Variants in NTRK3 observed in about 807,000 individuals in gnomAD.
NTRK3 encodes the protein NT-3 growth factor receptor.
Under a neutral mutation model 91.7 loss-of-function variants are expected in NTRK3, and 24 were observed. The ratio of observed to expected loss-of-function variants is 0.26; its 90% CI spans 0.19 to 0.37. The LOEUF is 0.37. NTRK3 is among the 10% of genes least tolerant of loss of function. NTRK3 has a pLI of 1.00. For synonymous variants in NTRK3, 483 were observed against 404.0 expected (o/e 1.20, Z -2.34); for missense variants, 880 against 1,068.9 (o/e 0.82, Z 2.46).
intron 5 of NTRK3, among the ~76,000 whole-genome samples, chr15:88,182,201 C>T (rs928683505): frequency 5.3e-5 from 8 of 152,210 alleles, no homozygotes; most frequent in Non-Finnish European, 8.8e-5. Context: ...AAGAAAGCTC[C>T]GCAGAAAGCA....
intron 14 of NTRK3, among the ~76,000 whole-genome samples, chr15:88,003,272 C>T (rs940325861): frequency 3.3e-5 from 5 of 152,172 alleles, no homozygotes; most frequent in African/African-American, 1.2e-4. Flanking sequence ...GAGCTTTGAA[C>T]AATACTATGA....
At chr15:87,880,496 C>G (rs2065180531) in intron 17 of NTRK3, 68 bp from the exon 19 acceptor site, 1 of 1,529,862 alleles carries the variant, frequency 6.5e-7, no homozygotes. Context: ...TCTGTCTGCA[C>G]TCTTCACACA....
chr15:87,905,752 C>A (rs2066729418), intron 17 of NTRK3, among the ~76,000 whole-genome samples: 1 of 152,134 alleles, frequency 6.6e-6, no homozygotes, highest in Non-Finnish European at 1.5e-5. Flanking sequence ...ACATAGACAC[C>A]ATGCATGGTC....
intron 5 of NTRK3, among the ~76,000 whole-genome samples, chr15:88,173,125 A>G (rs772022793): frequency 4.6e-4 from 70 of 152,336 alleles, no homozygotes; most frequent in Middle Eastern, 6.8e-3. Flanking sequence ...AGAGGACAAT[A>G]AAGGCGCCAC....
chr15:88,204,686 A>C (rs1391196717), intron 3 of NTRK3, among the ~76,000 whole-genome samples: 1 of 152,192 alleles, frequency 6.6e-6, no homozygotes, highest in Non-Finnish European at 1.5e-5. Flanking sequence ...AGTTACATAA[A>C]GGTGTGAGAA....
chr15:87,938,168 T>G (rs994386119), intron 15 of NTRK3, among the ~76,000 whole-genome samples: 1 of 152,222 alleles, frequency 6.6e-6, no homozygotes, highest in Non-Finnish European at 1.5e-5. Context: ...TTATGTCCTG[T>G]GCAATCCTGC....
chr15:87,968,145 C>T (rs1050394471), intron 14 of NTRK3, among the ~76,000 whole-genome samples: 2 of 152,166 alleles, frequency 1.3e-5, no homozygotes, highest in Non-Finnish European at 2.9e-5. Context: ...GGTTTCCAGA[C>T]ATGTGATGAT....
intron 13 of NTRK3, among the ~76,000 whole-genome samples, chr15:88,056,203 T>TATATATA (rs554008074): frequency 8.3e-5 from 5 of 60,222 alleles, no homozygotes; most frequent in African/African-American, 2.9e-4. Flanking sequence ...TATATATATA[T>TATATATA]TTTTTTTTTA....
At chr15:88,106,774 T>C (rs1226165693) in intron 13 of NTRK3, among the ~76,000 whole-genome samples, 1 of 151,846 alleles carries the variant, frequency 6.6e-6, no homozygotes, top group Non-Finnish European at 1.5e-5. Context: ...CTACTAAAAA[T>C]ACAAAACAAT....
intron 18 of NTRK3, among the ~76,000 whole-genome samples, chr15:87,879,651 A>G (rs919491499): frequency 1.3e-5 from 2 of 152,248 alleles, no homozygotes; most frequent in African/African-American, 4.8e-5. Flanking sequence ...GTCAGCTACT[A>G]TTAATTTATG....
At chr15:88,097,024 A>T (rs2049682662) in intron 13 of NTRK3, among the ~76,000 whole-genome samples, 1 of 152,206 alleles carries the variant, frequency 6.6e-6, no homozygotes, top group African/African-American at 2.4e-5. Context: ...CTTTAGGCTT[A>T]TGGCTCAAAG....
chr15:87,867,222 T>A (rs190527172), exon 19 of NTRK3: 179 of 225,436 alleles, frequency 7.9e-4, no homozygotes, highest in African/African-American at 3.8e-3. Flanking sequence ...GAGAACGCAC[T>A]TGTTTTCCTC....
intron 17 of NTRK3, among the ~76,000 whole-genome samples, chr15:87,920,919 G>A (rs1346386324): frequency 6.6e-6 from 1 of 152,154 alleles, no homozygotes. Context: ...ACAGTAAAAT[G>A]TGCATTAGTG....
At chr15:88,210,403 C>T (rs1212446697) in intron 3 of NTRK3, among the ~76,000 whole-genome samples, 2 of 152,160 alleles carry the variant, frequency 1.3e-5, no homozygotes. Flanking sequence ...CCAAAAAAGC[C>T]CTAGCCTCAG....
intron 13 of NTRK3, among the ~76,000 whole-genome samples, chr15:88,110,324 C>T (rs16941259): frequency 6.6e-6 from 1 of 152,140 alleles, no homozygotes; most frequent in African/African-American, 2.4e-5. Context: ...CTGCAGGCAC[C>T]GTGGGGTAGG....
intron 17 of NTRK3, among the ~76,000 whole-genome samples, chr15:87,893,749 C>G (rs537770183): frequency 6.6e-6 from 1 of 152,144 alleles, no homozygotes; most frequent in Admixed American, 6.6e-5. Context: ...CACACAACTC[C>G]GATGAGGCAT....
At chr15:87,873,669 T>C (rs753199010) in exon 19 of NTRK3, 1 of 232,004 alleles carries the variant, frequency 4.3e-6, no homozygotes, top group Non-Finnish European at 8.5e-6. Context: ...TAATAGGATG[T>C]CATTTCACAA....
At chr15:87,972,301 A>G (rs1268386750) in intron 14 of NTRK3, among the ~76,000 whole-genome samples, 1 of 152,214 alleles carries the variant, frequency 6.6e-6, no homozygotes, top group Non-Finnish European at 1.5e-5. Flanking sequence ...GGCTTCCAGC[A>G]TTACTTACCA....
chr15:87,936,826 CA>C (rs1382811589), intron 15 of NTRK3, among the ~76,000 whole-genome samples: 4 of 152,192 alleles, frequency 2.6e-5, no homozygotes, highest in African/African-American at 9.6e-5. Flanking sequence ...TTATTACATA[CA>C]GGGGTGCCCC....
Sources: gnomAD v4.1 joint callset for allele counts (sites outside exome capture counted in the v4.1 genomes callset) on GRCh38, gnomAD v4.1.1 for gene constraint, MANE v1.5 for transcripts, NCBI Gene and HGNC (gene_info 2026-07-23, HGNC 2026-07-21) for gene names.